Variants in KIF13B observed in about 807,000 individuals in gnomAD.
KIF13B encodes the protein kinesin-like protein KIF13B.
Under a neutral mutation model 222.0 loss-of-function variants are expected in KIF13B, and 127 were observed. That is an observed-to-expected ratio of 0.57 (90% CI 0.50 to 0.66). The LOEUF is 0.66. Ranked by LOEUF, KIF13B falls within the 30% of genes least tolerant of loss-of-function variation. KIF13B has a pLI of 0.00. For synonymous variants in KIF13B, 976 were observed against 919.0 expected, an observed-to-expected ratio of 1.06 and a Z score of -1.12; for missense variants, 2,173 against 2,379.0, an observed-to-expected ratio of 0.91 and a Z score of 1.80.
At chr8:29,261,571 G>A (rs1208455367) in intron 1 of KIF13B, among the ~76,000 whole-genome samples, 1 of 152,102 alleles carries the variant, frequency 6.6e-6, no homozygotes, top group African/African-American at 2.4e-5. Flanking sequence ...ATGGTAAACT[G>A]GAAGTAAACT....
chr8:29,181,865 G>C (rs1432139933), intron 7 of KIF13B, 54 bp downstream of exon 7: 1 of 1,184,718 alleles, frequency 8.4e-7, no homozygotes, highest in Non-Finnish European at 1.2e-6. Context: ...AGAAAAAAAA[G>C]AGCCCCACCC....
intron 9 of KIF13B, among the ~76,000 whole-genome samples, chr8:29,176,638 T>G (rs1313087935): frequency 6.6e-6 from 1 of 152,190 alleles, no homozygotes; most frequent in Non-Finnish European, 1.5e-5. Context: ...CATAATGAGC[T>G]AACAATTTGG....
At position 29,140,597 on chromosome 8, in the gene KIF13B, T is replaced by C; in HGVS notation, c.2355A>G (p.Lys785=). ...GCTCATCATAGAATGGATCAGCACG[T>C]TTGAAGTATGATCGTATTACCTGTA... ...EDNPVIRSYF[K]RADPFYDEQE... is the part of the protein sequence containing the mutation. The change falls in exon 20 of 40, where the codon AAA becomes AAG. Residue 785 remains lysine (K), a synonymous_variant. Coordinates refer to ENST00000524189, the MANE Select transcript of KIF13B (RefSeq NM_015254.4). 1 of 1,613,336 alleles carries C rather than the reference T, an allele frequency of 6.2e-7. No homozygotes were observed. The highest frequency in any genetic ancestry group is 8.5e-7 in the Non-Finnish European group (1 of 1,179,650).
At chr8:29,230,977 C>A (rs538693420) in intron 2 of KIF13B, among the ~76,000 whole-genome samples, 2 of 152,312 alleles carry the variant, frequency 1.3e-5, no homozygotes, top group South Asian at 4.1e-4. Context: ...CCTCCCCAGA[C>A]TCAGGTGATC....
At chr8:29,246,484 C>T in intron 1 of KIF13B, among the ~76,000 whole-genome samples, 1 of 151,638 alleles carries the variant, frequency 6.6e-6, no homozygotes, top group Admixed American at 6.6e-5. Context: ...AACAGGAAGA[C>T]ACTGCATGTT....
upstream of KIF13B, chr8:29,263,198 C>T (rs1816756455): frequency 1.7e-6 from 1 of 605,336 alleles, no homozygotes; most frequent in South Asian, 2.2e-5. Context: ...TATGGCGGGA[C>T]TTGTAGTTCC....
intron 29 of KIF13B, among the ~76,000 whole-genome samples, chr8:29,120,938 G>T (rs1809829446): frequency 1.8e-5 from 1 of 54,180 alleles, no homozygotes. Context: ...CAGTGATGAT[G>T]AGCATTTCTT....
chr8:29,182,033 T>C, intron 6 of KIF13B, 27 bp from the exon 7 acceptor site: 1 of 1,562,574 alleles, frequency 6.4e-7, no homozygotes, highest in Non-Finnish European at 8.8e-7. Flanking sequence ...AAGAAATGAT[T>C]TTTTAACAAT....
chr8:29,137,022 G>C (rs577512220), intron 21 of KIF13B, among the ~76,000 whole-genome samples: 11 of 151,760 alleles, frequency 7.2e-5, no homozygotes, highest in South Asian at 2.1e-4. Context: ...GGATGGTCTC[G>C]ATCTCCTGAC....
intron 2 of KIF13B, among the ~76,000 whole-genome samples, chr8:29,228,473 AT>A (rs1480392478): frequency 3.9e-4 from 7 of 17,748 alleles, no homozygotes; most frequent in Middle Eastern, 0.038. Flanking sequence ...TCTTAAAAAA[AT>A]ATATATATAT....
Position 29,123,286 on chromosome 8 carries a change from T to C in KIF13B, c.3479+80A>G, listed in dbSNP as rs1361386586. The stretch of plus-strand genomic sequence containing the variant: ...ATGCTATTGACTCTTCCATTAACCG[T>C]AGCACACGCAAAATTCAAGCTAAAA... On this transcript the variant is annotated intron_variant, in intron 28 of 39. Transcript: ENST00000524189. 2.8e-5 allele frequency: 43 copies of C among 1,538,742 alleles called. No individual in the cohort carries two copies. In the South Asian group the frequency reaches 4.7e-4, roughly 17 times the overall value.
At chr8:29,152,305 A>T (rs916583727) in intron 14 of KIF13B, among the ~76,000 whole-genome samples, 7 of 152,208 alleles carry the variant, frequency 4.6e-5, no homozygotes, top group African/African-American at 1.7e-4. Context: ...CCAGAAACTT[A>T]GTTGATAAAG....
At chr8:29,250,148 A>C (rs559081679) in intron 1 of KIF13B, 26 of 816,048 alleles carry the variant, frequency 3.2e-5, no homozygotes, top group African/African-American at 2.5e-4. Flanking sequence ...CACCCACCAC[A>C]AAGTTGGTCA....
At chr8:29,226,683 T>C (rs1335085218) in intron 2 of KIF13B, among the ~76,000 whole-genome samples, 1 of 152,198 alleles carries the variant, frequency 6.6e-6, no homozygotes, top group African/African-American at 2.4e-5. Flanking sequence ...GACTAAATGT[T>C]AAAATTTACA....
chr8:29,101,132 T>C (rs142668151), intron 35 of KIF13B, among the ~76,000 whole-genome samples: 3 of 152,308 alleles, frequency 2.0e-5, no homozygotes, highest in Non-Finnish European at 4.4e-5. Context: ...CTGATTTACA[T>C]ACTTGAATGT....
intron 21 of KIF13B, among the ~76,000 whole-genome samples, chr8:29,134,590 C>A (rs1421606127): frequency 6.6e-6 from 1 of 152,166 alleles, no homozygotes; most frequent in African/African-American, 2.4e-5. Flanking sequence ...TAGAACAGAA[C>A]AAGGTTGTCA....
At position 29,254,641 on chromosome 8, in the gene KIF13B, G is replaced by A. The variant is rs1816405956; in HGVS notation, c.55+8339C>T. ...CCACTAGGATAGCAATACTCATGGA[G>A]AGAGACAAGAACAAGTGTTGGTGAG... On this transcript the variant is annotated intron_variant, in intron 1 of 39. Coordinates refer to ENST00000524189, the MANE Select transcript of KIF13B (RefSeq NM_015254.4). 2.0e-5 allele frequency among the ~76,000 whole-genome samples: 3 copies of A among 152,212 alleles called. No homozygotes were observed. In the South Asian group the frequency reaches 6.2e-4, roughly 31 times the overall value.
At chr8:29,115,737 C>G (rs146626194) in intron 31 of KIF13B, among the ~76,000 whole-genome samples, 1,911 of 152,306 alleles carry the variant, frequency 0.013, 24 homozygotes, top group African/African-American at 0.03. Flanking sequence ...GCAGGACCCC[C>G]AGCACATGGA....
At chr8:29,194,173 C>T (rs1011716006) in intron 3 of KIF13B, among the ~76,000 whole-genome samples, 1 of 151,774 alleles carries the variant, frequency 6.6e-6, no homozygotes, top group East Asian at 1.9e-4. Context: ...TTTTTAAAAA[C>T]TATTTTCAAT....
Sources: allele counts gnomAD v4.1 joint callset (sites outside exome capture counted in the v4.1 genomes callset), GRCh38; gene constraint gnomAD v4.1.1; transcripts MANE v1.5; gene names NCBI Gene and HGNC (gene_info 2026-07-23, HGNC 2026-07-21).